Variants in PRKG1 observed in about 807,000 individuals in gnomAD.
PRKG1 encodes cGMP-dependent protein kinase 1.
In PRKG1, 35 loss-of-function variants were observed where a neutral mutation model predicts 88.1. That is an observed-to-expected ratio of 0.40 (90% CI 0.30 to 0.53). The LOEUF is 0.53. PRKG1 is among the 20% of genes least tolerant of loss of function. The pLI is 0.59. For missense variants in PRKG1, 540 were observed against 839.8 expected, an observed-to-expected ratio of 0.64 and a Z score of 4.41; for synonymous variants, 303 against 292.5, an observed-to-expected ratio of 1.04 and a Z score of -0.37.
chr10:51,615,423 T>C (rs1222203981), intron 3 of PRKG1, among the ~76,000 whole-genome samples: 1 of 152,146 alleles, frequency 6.6e-6, no homozygotes, highest in African/African-American at 2.4e-5. Flanking sequence ...TAATTCAGTT[T>C]TCTATCCCTT....
chr10:51,382,041 G>T (rs373110288), intron 2 of PRKG1, among the ~76,000 whole-genome samples: 3 of 152,036 alleles, frequency 2.0e-5, no homozygotes, highest in African/African-American at 7.2e-5. Context: ...TTTCTCCCCC[G>T]AATGTTCTCT....
intron 4 of PRKG1, among the ~76,000 whole-genome samples, chr10:51,808,762 T>G (rs983457750): frequency 1.3e-5 from 2 of 152,172 alleles, no homozygotes; most frequent in African/African-American, 4.8e-5. Flanking sequence ...CTGTTATAGA[T>G]ATCTTATACT....
At chr10:51,709,227 G>T (rs1262715113) in intron 3 of PRKG1, among the ~76,000 whole-genome samples, 1 of 152,170 alleles carries the variant, frequency 6.6e-6, no homozygotes, top group Non-Finnish European at 1.5e-5. Context: ...TTTTTAGAAA[G>T]TTCCCACCAT....
chr10:52,272,810 T>G (rs900108983), intron 12 of PRKG1, among the ~76,000 whole-genome samples: 5 of 152,138 alleles, frequency 3.3e-5, no homozygotes, highest in African/African-American at 1.2e-4. Flanking sequence ...AGAAAGAGAA[T>G]TATAGTTATT....
intron 5 of PRKG1, among the ~76,000 whole-genome samples, chr10:52,029,749 T>C (rs1294205196): frequency 6.6e-6 from 1 of 152,154 alleles, no homozygotes; most frequent in African/African-American, 2.4e-5. Flanking sequence ...TCTCTGGTGA[T>C]CTTAATGGGC....
intron 3 of PRKG1, among the ~76,000 whole-genome samples, chr10:51,769,106 A>G (rs1401337623): frequency 6.6e-6 from 1 of 152,202 alleles, no homozygotes; most frequent in Non-Finnish European, 1.5e-5. Flanking sequence ...TTCTCTCTGT[A>G]ATCTGGAAAG....
chr10:51,047,599 C>A (rs1843506270), intron 1 of PRKG1, among the ~76,000 whole-genome samples: 2 of 141,016 alleles, frequency 1.4e-5, no homozygotes, highest in Admixed American at 7.4e-5. Context: ...AACACAAAAC[C>A]ATATCTGTTA....
At chr10:51,777,537 C>T in intron 3 of PRKG1, among the ~76,000 whole-genome samples, 2 of 152,094 alleles carry the variant, frequency 1.3e-5, no homozygotes, top group African/African-American at 2.4e-5. Context: ...CCTTCCCCCA[C>T]ACATGCATAG....
chr10:51,528,393 C>G (rs1841934124), intron 3 of PRKG1, among the ~76,000 whole-genome samples: 1 of 151,740 alleles, frequency 6.6e-6, no homozygotes, highest in Non-Finnish European at 1.5e-5. Flanking sequence ...ATGCTGATGA[C>G]TGGGAAAAAT....
In PRKG1 at chr10:52,004,651, AGAG is replaced by A. The variant is rs1466859474; in HGVS notation, c.763-49829_763-49827del. Among the ~76,000 whole-genome samples, 10 of 152,314 alleles carry A rather than the reference AGAG, an allele frequency of 6.6e-5. No individual in the cohort carries two copies. The South Asian group carries it at 1.5e-3, about 22-fold the overall frequency. On this transcript the variant is annotated intron_variant, in intron 5 of 17. Transcript: ENST00000373980. ...CTGTTTTGTGAGGTCTTGCTCAAGG[AGAG>A]GAGATTAGTGTTGCAGAGTGACCTG...
chr10:51,164,066 G>T (rs1312374007), intron 2 of PRKG1, among the ~76,000 whole-genome samples: 1 of 152,188 alleles, frequency 6.6e-6, no homozygotes, highest in Non-Finnish European at 1.5e-5. Context: ...CATGCAGCTG[G>T]AGATCTGAGA....
intron 10 of PRKG1, among the ~76,000 whole-genome samples, chr10:52,259,525 T>C (rs1027349841): frequency 5.3e-5 from 8 of 152,154 alleles, no homozygotes; most frequent in African/African-American, 1.9e-4. Context: ...TGCATATATT[T>C]AATTTATTGC....
rs186513053 is a variant in PRKG1 at position 51,217,374 on chromosome 10, T to A, written c.478+64044T>A. On this transcript the variant is annotated intron_variant, in intron 2 of 17. Transcript: ENST00000373980. ...TTTAAGAACGCATTACCTAATAAGT[T>A]TGGTGTGGGGAAAAATGCCTTAGAA... is the stretch of plus-strand genomic sequence containing the variant. Among the ~76,000 whole-genome samples the A allele has an allele frequency of 6.3e-4, 96 of 152,234 alleles. No homozygotes were observed. In the East Asian group the frequency reaches 0.016, roughly 25 times the overall value.
chr10:52,238,447 C>G (rs969395437), intron 9 of PRKG1, among the ~76,000 whole-genome samples: 19 of 151,738 alleles, frequency 1.3e-4, no homozygotes, highest in African/African-American at 4.4e-4. Context: ...TATCCAGAAT[C>G]TACAGTGAAC....
chr10:52,111,308 T>C (rs1847558844), intron 7 of PRKG1, among the ~76,000 whole-genome samples: 1 of 152,238 alleles, frequency 6.6e-6, no homozygotes, highest in African/African-American at 2.4e-5. Context: ...GCCTAGCACA[T>C]ACTAAATACA....
chr10:51,247,503 A>C (rs1389047777), intron 2 of PRKG1, among the ~76,000 whole-genome samples: 2 of 152,012 alleles, frequency 1.3e-5, no homozygotes, highest in Non-Finnish European at 2.9e-5. Context: ...TGAGATATTA[A>C]GTTTAAGTAA....
chr10:52,083,136 G>T (rs891535252), intron 7 of PRKG1, among the ~76,000 whole-genome samples: 2 of 151,884 alleles, frequency 1.3e-5, no homozygotes, highest in Non-Finnish European at 2.9e-5. Flanking sequence ...TCTCTTTAGT[G>T]TTATATATGT....
At chr10:52,001,261 T>C (rs1844588421) in intron 5 of PRKG1, among the ~76,000 whole-genome samples, 2 of 151,826 alleles carry the variant, frequency 1.3e-5, no homozygotes, top group Admixed American at 6.6e-5. Context: ...ACTTCAGTTA[T>C]AAGAAGAATA....
chr10:51,908,324 A>T (rs1842129881), intron 5 of PRKG1: 1 of 152,192 alleles, frequency 6.6e-6, no homozygotes, highest in South Asian at 2.1e-4. Flanking sequence ...AAGTCTTTTG[A>T]AGTGAATTGA....
Sources: gnomAD v4.1 joint callset for allele counts (sites outside exome capture counted in the v4.1 genomes callset) on GRCh38, gnomAD v4.1.1 for gene constraint, MANE v1.5 for transcripts, NCBI Gene and HGNC (gene_info 2026-07-23, HGNC 2026-07-21) for gene names.